The following BTBD7 variants were observed in gnomAD, a reference collection of about 807,000 sequenced individuals.
The protein encoded by BTBD7 is BTB/POZ domain-containing protein 7.
A neutral mutation model predicts 99.9 loss-of-function variants in BTBD7; 38 were observed. The observed-to-expected ratio is 0.38, with a 90% CI of 0.29 to 0.50. The LOEUF (loss-of-function observed/expected upper bound fraction) is 0.50, where lower values mean the gene tolerates loss of function less well. Among genes scored for constraint, BTBD7 ranks in the 20% least tolerant of loss-of-function variants. BTBD7 has a pLI of 0.93. For missense variants in BTBD7, 1,170 were observed against 1,394.6 expected, an observed-to-expected ratio of 0.84 and a Z score of 2.57; for synonymous variants, 520 against 511.4, an observed-to-expected ratio of 1.02 and a Z score of -0.23.
intron 5 of BTBD7, among the ~76,000 whole-genome samples, chr14:93,258,231 G>A (rs750617195): frequency 2.6e-5 from 4 of 151,832 alleles, no homozygotes; most frequent in Non-Finnish European, 5.9e-5. Flanking sequence ...ATGAGAGAGA[G>A]AGAGAGAGAA....
At position 93,238,490 on chromosome 14, in the gene BTBD7, C is replaced by T. The variant is rs919366880; in HGVS notation, c.*3783G>A. On this transcript the variant is annotated 3_prime_UTR_variant, in exon 11 of 11. Transcript: ENST00000334746. ...AACCACCACAGAACCAGGAATAGCA[C>T]CCATCACTGCTGCTTTGTCACTCCA... 6.6e-6 allele frequency: 1 copy of T among 152,586 alleles called. No individual in the cohort carries two copies. The highest frequency in any genetic ancestry group is 2.4e-5 in the African/African-American group (1 of 41,440). The allele number at this position is 152,586 out of a possible 1,614,324, so 9.5% of individuals were successfully genotyped here.
At chr14:93,288,670 C>T in intron 3 of BTBD7, 2 of 1,512,474 alleles carry the variant, frequency 1.3e-6, no homozygotes, top group Non-Finnish European at 1.8e-6. Flanking sequence ...TGTTTGAAAG[C>T]TCTGCTGCAC....
At chr14:93,297,885 C>G (rs2052948226) in intron 1 of BTBD7, among the ~76,000 whole-genome samples, 1 of 151,950 alleles carries the variant, frequency 6.6e-6, no homozygotes, top group Non-Finnish European at 1.5e-5. Context: ...AAATAAAAAG[C>G]CTTTACCAAA....
In BTBD7 at chr14:93,296,003, C is replaced by T. The variant is rs1315600974; in HGVS notation, c.49G>A (p.Gly17Arg). ...NYPHSCSPRV[G>R]GNSQAQQTFI... ...GTCTGTTGGGCCTGTGAATTTCCCC[C>T]TACCCTCGGGGAACATGAATGAGGA... is the stretch of plus-strand genomic sequence containing the variant. The change falls in exon 2 of 11, where the codon GGG becomes AGG. Residue 17 changes from glycine (G) to arginine (R), a missense_variant. Transcript: ENST00000334746. 6.8e-6 allele frequency: 11 copies of T among 1,614,096 alleles called. No individual in the cohort carries two copies. In the East Asian group the frequency reaches 2.5e-4, roughly 36 times the overall value.
chr14:93,256,834 C>T (rs563542676), intron 6 of BTBD7: 56 of 187,212 alleles, frequency 3.0e-4, no homozygotes, highest in African/African-American at 1.3e-3. Flanking sequence ...CCCTCCACTC[C>T]ACTACTCTCT....
At chr14:93,267,090 T>A (rs1361786739) in intron 3 of BTBD7, among the ~76,000 whole-genome samples, 1 of 152,186 alleles carries the variant, frequency 6.6e-6, no homozygotes, top group Non-Finnish European at 1.5e-5. Flanking sequence ...CTCATAGATG[T>A]GTTTGGGAGT....
In BTBD7 at chr14:93,293,891, C is replaced by T; in HGVS notation, c.1129G>A (p.Ala377Thr). 1.9e-6 allele frequency: 3 copies of T among 1,613,458 alleles called. No individual in the cohort carries two copies. The highest frequency in any genetic ancestry group is 2.5e-6 in the Non-Finnish European group (3 of 1,179,734). The stretch of plus-strand genomic sequence containing the variant: ...AGCATGTTAAATTCCAAGAACAGTG[C>T]TATGTGGTAAAGTTCCATGGCTTCT... ...AEEAMELYHI[A>T]LFLEFNMLAQ... The change falls in exon 3 of 11, where the codon GCA (alanine) becomes ACA (threonine). Residue 377 changes from alanine to threonine, a missense_variant. Around this residue, in one of 4 missense-constraint regions of BTBD7, gnomAD observed 359 missense variants for 497.9 expected, o/e 0.72. Coordinates refer to ENST00000334746, the MANE Select transcript of BTBD7 (RefSeq NM_001002860.4).
At position 93,304,382 on chromosome 14, in the gene BTBD7, C is replaced by T. The variant is rs757857061; in HGVS notation, c.-106-8225G>A. On this transcript the variant is annotated intron_variant, in intron 1 of 10. Transcript: ENST00000334746. ...TATTTTTATTTTTGAGACGGAGTCT[C>T]GTGCTGTCGCCCAGGCTGGAGTGCA... 5.3e-5 allele frequency among the ~76,000 whole-genome samples: 8 copies of T among 152,316 alleles called. No homozygotes were observed. The South Asian group carries it at 1.0e-3, about 20-fold the overall frequency.
chr14:93,244,893 G>C (rs1363169433), intron 10 of BTBD7, among the ~76,000 whole-genome samples: 2 of 112,916 alleles, frequency 1.8e-5, no homozygotes, highest in African/African-American at 7.1e-5. Context: ...GTCTCCCTCT[G>C]TCATCCAGGC....
At chr14:93,278,317 G>A (rs2052679537) in intron 3 of BTBD7, among the ~76,000 whole-genome samples, 1 of 152,218 alleles carries the variant, frequency 6.6e-6, no homozygotes, top group Admixed American at 6.5e-5. Context: ...GGGAAGCTGA[G>A]GTAGGAGAAT....
chr14:93,266,611 T>C (rs1344371030), intron 3 of BTBD7, among the ~76,000 whole-genome samples: 1 of 151,998 alleles, frequency 6.6e-6, no homozygotes, highest in Non-Finnish European at 1.5e-5. Flanking sequence ...TCTTCTCCCA[T>C]TAAAAAAAGG....
intron 1 of BTBD7, among the ~76,000 whole-genome samples, chr14:93,319,505 A>G (rs1355591265): frequency 6.6e-6 from 1 of 152,244 alleles, no homozygotes; most frequent in East Asian, 1.9e-4. Context: ...AAGTAAAATA[A>G]GCCAGTCACA....
rs544385483 is a variant in BTBD7, at chr14:93,266,393, T to C, written c.1163-2400A>G. On this transcript the variant is annotated intron_variant, in intron 3 of 10. Coordinates refer to ENST00000334746, the MANE Select transcript of BTBD7 (RefSeq NM_001002860.4). The stretch of plus-strand genomic sequence containing the variant: ...GGAATAGTAGAGAGTTCGCAACTTA[T>C]CACAGGAAAAAAGCTCCAAGCAAGA... Among the ~76,000 whole-genome samples, 3 of 152,130 alleles carry C rather than the reference T, an allele frequency of 2.0e-5. No homozygotes were observed. The South Asian group carries it at 6.2e-4, about 32-fold the overall frequency.
intron 3 of BTBD7, among the ~76,000 whole-genome samples, chr14:93,271,323 A>T (rs2052598305): frequency 6.6e-6 from 1 of 152,178 alleles, no homozygotes; most frequent in Non-Finnish European, 1.5e-5. Context: ...CAGGAAATAT[A>T]TAAACGACTT....
At chr14:93,262,896 A>ACC (rs2052505738) in intron 4 of BTBD7, among the ~76,000 whole-genome samples, 1 of 151,820 alleles carries the variant, frequency 6.6e-6, no homozygotes, top group Non-Finnish European at 1.5e-5. Flanking sequence ...TGATCAGGAC[A>ACC]ATGAGACAAG....
At chr14:93,328,788 C>T (rs11846977) in intron 1 of BTBD7, among the ~76,000 whole-genome samples, 6,303 of 151,984 alleles carry the variant, frequency 0.041, 435 homozygotes, top group African/African-American at 0.14. Flanking sequence ...CGTGGATGTA[C>T]GCACCTGTAG....
At position 93,242,634 on chromosome 14, in the gene BTBD7, G is replaced by A; in HGVS notation, c.3038C>T (p.Pro1013Leu). 1 of 1,613,920 alleles carries A rather than the reference G, an allele frequency of 6.2e-7. No homozygotes were observed. The highest frequency in any genetic ancestry group is 8.5e-7 in the Non-Finnish European group (1 of 1,179,968). Residue 1013 changes from proline to leucine, a missense_variant, in exon 11 of 11, where the codon CCT (proline) becomes CTT (leucine). Around this residue, in one of 4 missense-constraint regions of BTBD7, gnomAD observed 495 missense variants for 525.9 expected, o/e 0.94. Coordinates refer to ENST00000334746, the MANE Select transcript of BTBD7 (RefSeq NM_001002860.4). ...CTTTTGTCTGTGTAGATGCCCGTCA[G>A]GGGAAAGTGGATATTCTCTCCTAGC... ...EEARREYPLS[P>L]DGHLHRQKNE...
At position 93,296,010 on chromosome 14, in the gene BTBD7, C is replaced by A; in HGVS notation, c.42G>T (p.Pro14=). The A allele has an allele frequency of 6.2e-7, 1 of 1,614,038 alleles. No homozygotes were observed. The highest frequency in any genetic ancestry group is 8.5e-7 in the Non-Finnish European group (1 of 1,179,978). The change falls in exon 2 of 11, where the codon CCG becomes CCT. Residue 14 remains proline, a synonymous_variant. Coordinates refer to ENST00000334746, the MANE Select transcript of BTBD7 (RefSeq NM_001002860.4). ...GGGCCTGTGAATTTCCCCCTACCCT[C>A]GGGGAACATGAATGAGGATAATTAG... ...NASNYPHSCS[P]RVGGNSQAQQ... is the part of the protein sequence containing the mutation.
intron 1 of BTBD7, among the ~76,000 whole-genome samples, chr14:93,307,503 T>C (rs2053085541): frequency 6.6e-6 from 1 of 152,186 alleles, no homozygotes; most frequent in South Asian, 2.1e-4. Flanking sequence ...TTTCCTCATA[T>C]AGGTACTAGG....
Sources: allele counts gnomAD v4.1 joint callset (sites outside exome capture counted in the v4.1 genomes callset), GRCh38; gene constraint gnomAD v4.1.1; regional missense constraint gnomAD v4.1.1; transcripts MANE v1.5; gene names NCBI Gene and HGNC (gene_info 2026-07-23, HGNC 2026-07-21).